SLC8A1: variants seen among roughly 807,000 people sequenced by gnomAD.
SLC8A1 encodes the protein solute carrier family 8 member A1, also known as sodium/calcium exchanger 1.
In SLC8A1, 18 loss-of-function variants were observed where a neutral mutation model predicts 68.3. The observed-to-expected ratio is 0.26, with a 90% CI of 0.18 to 0.39. The LOEUF is 0.39. Ranked by LOEUF, SLC8A1 falls within the 10% of genes least tolerant of loss-of-function variation. The pLI is 1.00. For synonymous variants in SLC8A1, 475 were observed against 415.5 expected, an observed-to-expected ratio of 1.14 and a Z score of -1.74; for missense variants, 985 against 1,156.7, an observed-to-expected ratio of 0.85 and a Z score of 2.15.
intron 2 of SLC8A1, among the ~76,000 whole-genome samples, chr2:40,325,630 A>G (rs562080881): frequency 3.5e-4 from 53 of 151,878 alleles, no homozygotes; most frequent in Non-Finnish European, 5.6e-4. Flanking sequence ...TAGGTGTTTG[A>G]TTTCAGTCAT....
chr2:40,142,097 C>G (rs1341963042), intron 6 of SLC8A1, among the ~76,000 whole-genome samples: 1 of 152,224 alleles, frequency 6.6e-6, no homozygotes, highest in African/African-American at 2.4e-5. Context: ...CTCTCTATAT[C>G]ATGACGTGGA....
intron 2 of SLC8A1, among the ~76,000 whole-genome samples, chr2:40,314,124 A>G (rs1369726611): frequency 1.3e-5 from 2 of 152,086 alleles, no homozygotes; most frequent in Non-Finnish European, 2.9e-5. Flanking sequence ...TTTTGAAAAA[A>G]ATATAATTGA....
At chr2:40,170,239 C>G (rs2047229406) in intron 4 of SLC8A1, 42 bp downstream of exon 7, 1 of 1,562,344 alleles carries the variant, frequency 6.4e-7, no homozygotes, top group African/African-American at 1.4e-5. Context: ...TTAAAGAACT[C>G]TGGGAGGCTG....
At chr2:40,383,390 A>G (rs940964636) in intron 2 of SLC8A1, among the ~76,000 whole-genome samples, 2 of 152,142 alleles carry the variant, frequency 1.3e-5, no homozygotes, top group African/African-American at 4.8e-5. Flanking sequence ...TTTATAAGAA[A>G]CATTTGACAC....
At chr2:40,429,559 A>T in exon 2 of SLC8A1, 1 of 1,613,780 alleles carries the variant, frequency 6.2e-7, no homozygotes, top group Non-Finnish European at 8.5e-7. Flanking sequence ...GATGGGAAAG[A>T]AGAAGAAAGT....
chr2:40,164,772 A>T (rs2046266737), intron 5 of SLC8A1, 82 bp downstream of exon 8: 3 of 1,546,200 alleles, frequency 1.9e-6, no homozygotes, highest in South Asian at 1.2e-5. Context: ...TTCCAGGTGG[A>T]TCTTAAGCTT....
intron 1 of SLC8A1, among the ~76,000 whole-genome samples, chr2:40,459,964 G>T (rs1433552759): frequency 6.6e-6 from 1 of 152,078 alleles, no homozygotes; most frequent in Non-Finnish European, 1.5e-5. Context: ...TTGCAAATTT[G>T]CAAATACCCA....
chr2:40,205,976 G>A (rs2055363671), intron 2 of SLC8A1, among the ~76,000 whole-genome samples: 1 of 151,890 alleles, frequency 6.6e-6, no homozygotes, highest in Non-Finnish European at 1.5e-5. Flanking sequence ...GTATGATTTG[G>A]TGACACAAAA....
chr2:40,316,274 G>C (rs1422551411), intron 2 of SLC8A1, among the ~76,000 whole-genome samples: 1 of 151,942 alleles, frequency 6.6e-6, no homozygotes, highest in African/African-American at 2.4e-5. Flanking sequence ...TGAAGAGAAG[G>C]CTTGCAACTT....
At chr2:40,220,847 C>G (rs17570537) in intron 2 of SLC8A1, among the ~76,000 whole-genome samples, 19,550 of 151,636 alleles carry the variant, frequency 0.13, 1,345 homozygotes, top group Non-Finnish European at 0.14. Context: ...TAAAAGCCCA[C>G]TTCTTAATAG....
intron 2 of SLC8A1, among the ~76,000 whole-genome samples, chr2:40,233,910 T>C (rs1363317223): frequency 6.6e-6 from 1 of 151,774 alleles, no homozygotes. Context: ...TAGTTGTAGA[T>C]ATGCGGCATT....
At chr2:40,200,170 A>AC (rs2053857245) in intron 2 of SLC8A1, among the ~76,000 whole-genome samples, 1 of 46,560 alleles carries the variant, frequency 2.1e-5, no homozygotes, top group African/African-American at 8.5e-5. Context: ...ATTTCAAGTC[A>AC]TTGATATATA....
chr2:40,208,909 G>T lies in SLC8A1; in HGVS notation c.1809-31054C>A, dbSNP rs1437261835. ...AGAATCCAAGAATGTCAAATTTGGA[G>T]GCCTTTGAGATGGTTTAGTCCAGAT... On this transcript the variant is annotated intron_variant, in intron 2 of 7. Coordinates refer to ENST00000406785, the Ensembl canonical transcript of SLC8A1. 3.3e-5 allele frequency: 5 copies of T among 152,086 alleles called. No individual in the cohort carries two copies. The East Asian group carries it at 9.7e-4, about 29-fold the overall frequency. The allele number at this position is 152,086 out of a possible 1,614,324, so 9.4% of individuals were successfully genotyped here. A position where few individuals can be genotyped will look rare whatever the true frequency, so the allele number is the denominator to read the frequency against.
intron 2 of SLC8A1, among the ~76,000 whole-genome samples, chr2:40,260,583 AT>A (rs1270267013): frequency 6.6e-6 from 1 of 152,208 alleles, no homozygotes. Flanking sequence ...AATGTCAGTT[AT>A]ACCCACAGTC....
chr2:40,416,622 A>G (rs1426762433), intron 2 of SLC8A1, among the ~76,000 whole-genome samples: 1 of 152,090 alleles, frequency 6.6e-6, no homozygotes, highest in South Asian at 2.1e-4. Flanking sequence ...TACTATCAAG[A>G]ACACTGAAGT....
intron 1 of SLC8A1, among the ~76,000 whole-genome samples, chr2:40,457,723 G>A (rs1475871045): frequency 6.6e-6 from 1 of 152,152 alleles, no homozygotes; most frequent in East Asian, 1.9e-4. Flanking sequence ...GTATTATCCA[G>A]TCACACAAAA....
intron 1 of SLC8A1, among the ~76,000 whole-genome samples, chr2:40,487,651 A>T (rs1023220711): frequency 3.9e-5 from 6 of 152,196 alleles, no homozygotes; most frequent in Non-Finnish European, 5.9e-5. Flanking sequence ...CAGCTCTACC[A>T]AGATACTTCC....
chr2:40,128,845 C>T (rs549700511), intron 7 of SLC8A1, among the ~76,000 whole-genome samples: 2 of 152,174 alleles, frequency 1.3e-5, no homozygotes, highest in African/African-American at 4.8e-5. Flanking sequence ...CAAAATCTTA[C>T]AGAATCCATG....
intron 1 of SLC8A1, among the ~76,000 whole-genome samples, chr2:40,505,079 G>A (rs948874623): frequency 6.6e-6 from 1 of 151,820 alleles, no homozygotes; most frequent in Non-Finnish European, 1.5e-5. Context: ...ACAAATGAAT[G>A]GATAAAGAAA....
Sources: allele counts gnomAD v4.1 joint callset (sites outside exome capture counted in the v4.1 genomes callset), GRCh38; gene constraint gnomAD v4.1.1; transcripts MANE v1.5; gene names NCBI Gene and HGNC (gene_info 2026-07-23, HGNC 2026-07-21).